The following R3HDM1 variants were observed in gnomAD, a reference collection of about 807,000 sequenced individuals.
The protein encoded by R3HDM1 is R3H domain-containing protein 1.
R3HDM1 carries 46 observed loss-of-function variants against 141.1 expected under a neutral mutation model. The ratio of observed to expected loss-of-function variants is 0.33; its 90% CI spans 0.26 to 0.42. R3HDM1 has a LOEUF of 0.42. Ranked by LOEUF, R3HDM1 falls within the 10% of genes least tolerant of loss-of-function variation. The pLI, the probability that R3HDM1 is intolerant of heterozygous loss-of-function variation, is 1.00. For synonymous variants in R3HDM1, 435 were observed against 472.9 expected, an observed-to-expected ratio of 0.92 and a Z score of 1.04; for missense variants, 1,184 against 1,368.3, an observed-to-expected ratio of 0.87 and a Z score of 2.12.
intron 5 of R3HDM1, chr2:135,620,190 T>A (rs2105173029): frequency 1.9e-6 from 1 of 539,152 alleles, no homozygotes; most frequent in East Asian, 1.5e-4. Flanking sequence ...GAGGAGGTAG[T>A]GTGAAATCTT....
intron 1 of R3HDM1, among the ~76,000 whole-genome samples, chr2:135,575,257 A>T (rs1160435749): frequency 6.6e-6 from 1 of 152,218 alleles, no homozygotes. Context: ...ATCTTGGCTC[A>T]CTGCAACCTT....
At position 135,699,027 on chromosome 2, in the gene R3HDM1, A is replaced by AT. The variant is rs752002529; in HGVS notation, c.2460-10405dup. 5.1e-3 allele frequency among the ~76,000 whole-genome samples: 608 copies of AT among 118,612 alleles called. 4 individuals are homozygous for AT. Among genetic ancestry groups the AT allele is most frequent in the African/African-American group, 0.012 (404 of 33,788 alleles). The allele number at this position is 118,612 out of a possible 152,430, so 77.8% of individuals were successfully genotyped here. A position where few individuals can be genotyped will look rare whatever the true frequency, so the allele number is the denominator to read the frequency against. ...GATAGATAGATAGATAGATAGATAG[A>AT]TAGATAGATAGATAGATAAGATAGA... is the stretch of plus-strand genomic sequence containing the variant. On this transcript the variant is annotated intron_variant, in intron 21 of 26. Transcript: ENST00000683871.
At chr2:135,630,538 A>G (rs769797788) in intron 7 of R3HDM1, among the ~76,000 whole-genome samples, 14 of 152,154 alleles carry the variant, frequency 9.2e-5, no homozygotes, top group Non-Finnish European at 1.8e-4. Context: ...TAAGTTAAAT[A>G]TTTAATGAAT....
Position 135,722,453 on chromosome 2 carries a change from A to G in R3HDM1, c.2965-16A>G, listed in dbSNP as rs1026052705. The G allele has an allele frequency of 1.2e-6, 2 of 1,612,714 alleles. No individual in the cohort carries two copies. The highest frequency in any genetic ancestry group is 1.7e-4 in the Middle Eastern group (1 of 6,054). ...GCATTATTAACGTTGTTTCTCAACTATTTGTGGGTTTTCAGGGTCAGCCTG... is the reference window on the plus strand; with the variant it reads ...GCATTATTAACGTTGTTTCTCAACTGTTTGTGGGTTTTCAGGGTCAGCCTG... On this transcript the variant is annotated splice_polypyrimidine_tract_variant and intron_variant, in intron 25 of 26. Coordinates refer to ENST00000683871, the MANE Select transcript of R3HDM1 (RefSeq NM_001378107.1).
At chr2:135,561,805 C>T (rs906763549) in intron 1 of R3HDM1, among the ~76,000 whole-genome samples, 1 of 151,914 alleles carries the variant, frequency 6.6e-6, no homozygotes, top group African/African-American at 2.4e-5. Context: ...AAATTAACTA[C>T]ACAAGCGGTA....
chr2:135,553,015 A>T lies in R3HDM1; in HGVS notation c.-250+21382A>T, dbSNP rs548168760. Among the ~76,000 whole-genome samples, 6 of 152,104 alleles carry T rather than the reference A, an allele frequency of 3.9e-5. No individual in the cohort carries two copies. In the South Asian group the frequency reaches 1.2e-3, roughly 32 times the overall value. On this transcript the variant is annotated intron_variant, in intron 1 of 26. Coordinates refer to ENST00000683871, the MANE Select transcript of R3HDM1 (RefSeq NM_001378107.1). ...TACCTCAGCCTCCTTAATAGCCGGG[A>T]CCACAGACATGTGCCACCGCATCCA...
intron 16 of R3HDM1, among the ~76,000 whole-genome samples, chr2:135,648,258 A>AT (rs748139165): frequency 1.3e-5 from 2 of 151,898 alleles, no homozygotes; most frequent in African/African-American, 4.8e-5. Flanking sequence ...TTAATTATAG[A>AT]TTTTTTTGCT....
chr2:135,665,332 G>T (rs761125967), intron 19 of R3HDM1: 22 of 483,874 alleles, frequency 4.5e-5, no homozygotes, highest in Non-Finnish European at 9.2e-5. Context: ...TTATTCTTAT[G>T]ACTCTTGACA....
chr2:135,601,927 G>T (rs1281197886), intron 1 of R3HDM1, among the ~76,000 whole-genome samples: 5 of 147,704 alleles, frequency 3.4e-5, no homozygotes, highest in African/African-American at 1.3e-4. Flanking sequence ...TTCCCAAAGT[G>T]CTGGGATTAT....
In R3HDM1 at chr2:135,621,711, A is replaced by G. The variant is rs1374450962; in HGVS notation, c.418+103A>G. 8 of 1,356,080 alleles carry G rather than the reference A, an allele frequency of 5.9e-6. No homozygotes were observed. The African/African-American group carries it at 1.0e-4, about 18-fold the overall frequency. 84.0% of individuals were successfully genotyped at this position (1,356,080 alleles called of 1,614,324 possible). ...ATATAGTATATCTTTATGTAAAATG[A>G]CACAGAACAGACTGGAAGGATGATA... is the stretch of plus-strand genomic sequence containing the variant. On this transcript the variant is annotated intron_variant, in intron 6 of 26. Coordinates refer to ENST00000683871, the MANE Select transcript of R3HDM1 (RefSeq NM_001378107.1).
chr2:135,692,814 A>T (rs1189368458), intron 21 of R3HDM1, among the ~76,000 whole-genome samples: 1 of 152,150 alleles, frequency 6.6e-6, no homozygotes, highest in African/African-American at 2.4e-5. Flanking sequence ...TAGTGGCAGT[A>T]GGAGGGGGAT....
chr2:135,722,339 C>A, intron 25 of R3HDM1, 130 bp from the exon 26 acceptor site: 1 of 901,806 alleles, frequency 1.1e-6, no homozygotes, highest in Non-Finnish European at 1.7e-6. Context: ...TCCAGAAGGC[C>A]TGGGACTGAT....
rs561400663 is a variant in R3HDM1 at position 135,571,087 on chromosome 2, G to A, written c.-249-31413G>A. 3.9e-5 allele frequency among the ~76,000 whole-genome samples: 6 copies of A among 152,086 alleles called. No homozygotes were observed. In the South Asian group the frequency reaches 6.2e-4, roughly 16 times the overall value. On this transcript the variant is annotated intron_variant, in intron 1 of 26. Coordinates refer to ENST00000683871, the MANE Select transcript of R3HDM1 (RefSeq NM_001378107.1). ...TACTGCCAGAAATTCCTGGAGTTGC[G>A]ACATATTTTTTTAGTTAATGAGGAA...
At chr2:135,707,213 G>A (rs965409607) in intron 21 of R3HDM1, among the ~76,000 whole-genome samples, 1 of 152,200 alleles carries the variant, frequency 6.6e-6, no homozygotes, top group Non-Finnish European at 1.5e-5. Flanking sequence ...TTTCCCTCCT[G>A]TCTTCCAAAG....
chr2:135,580,943 T>C (rs1706670534), intron 1 of R3HDM1, among the ~76,000 whole-genome samples: 1 of 152,224 alleles, frequency 6.6e-6, no homozygotes, highest in East Asian at 1.9e-4. Context: ...AGCTTAAGTA[T>C]TAGTTCCTCC....
intron 21 of R3HDM1, among the ~76,000 whole-genome samples, chr2:135,700,583 A>T (rs2074060426): frequency 6.6e-6 from 1 of 152,198 alleles, no homozygotes; most frequent in Non-Finnish European, 1.5e-5. Context: ...ACTGTTCATA[A>T]ATTTTCAAAG....
chr2:135,564,432 G>T (rs1273534567), intron 1 of R3HDM1, among the ~76,000 whole-genome samples: 2 of 152,178 alleles, frequency 1.3e-5, no homozygotes, highest in Non-Finnish European at 2.9e-5. Flanking sequence ...CGATTCTCCT[G>T]CCTCAGCCTC....
rs141635172 is a variant in R3HDM1 at position 135,588,767 on chromosome 2, C to A, written c.-249-13733C>A. The stretch of plus-strand genomic sequence containing the variant: ...ATAGAAAGCAATTTAAAATTTTTTC[C>A]TTTTAAGGATACATAAGATAATACC... On this transcript the variant is annotated intron_variant, in intron 1 of 26. Transcript: ENST00000683871. Among the ~76,000 whole-genome samples, 668 of 151,730 alleles carry A rather than the reference C, an allele frequency of 4.4e-3. 2 individuals are homozygous for A. Among genetic ancestry groups the A allele is most frequent in the Admixed American group, 5.5e-3 (84 of 15,240 alleles).
Position 135,715,683 on chromosome 2 carries a change from T to A in R3HDM1, c.2870T>A (p.Val957Asp). Residue 957 changes from valine to aspartate, a missense_variant, in exon 24 of 27, where the codon GTC (valine) becomes GAC (aspartate). By Grantham distance (152) the Val-to-Asp change is radical. Coordinates refer to ENST00000683871, the MANE Select transcript of R3HDM1 (RefSeq NM_001378107.1). The stretch of plus-strand genomic sequence containing the variant: ...ATGCCCCAATTTTCTAGACCTTTTG[T>A]CCCCGGGCAAGGTAAGTGCACATGA... ...SIMPQFSRPF[V>D]PGQGDSRYPL... is the part of the protein sequence containing the mutation. 1 of 1,613,382 alleles carries A rather than the reference T, an allele frequency of 6.2e-7. No individual in the cohort carries two copies.
Sources: gnomAD v4.1 joint callset for allele counts (sites outside exome capture counted in the v4.1 genomes callset) on GRCh38, gnomAD v4.1.1 for gene constraint, MANE v1.5 for transcripts, NCBI Gene and HGNC (gene_info 2026-07-23, HGNC 2026-07-21) for gene names.